RALYL: variants seen among roughly 807,000 people sequenced by gnomAD.
RALYL encodes RNA-binding Raly-like protein.
A neutral mutation model predicts 35.1 loss-of-function variants in RALYL; 29 were observed. The observed-to-expected ratio is 0.83, with a 90% confidence interval of 0.61 to 1.13. RALYL has a LOEUF of 1.13. Among genes scored for constraint, RALYL ranks in the 50% most tolerant of loss-of-function variants. The pLI is 0.00. For synonymous variants in RALYL, 120 were observed against 127.6 expected (o/e 0.94, Z 0.40); for missense variants, 359 against 360.4 (o/e 1.00, Z 0.03).
At chr8:84,838,032 G>A (rs535968823) in intron 4 of RALYL, among the ~76,000 whole-genome samples, 12 of 152,214 alleles carry the variant, frequency 7.9e-5, no homozygotes, top group East Asian at 1.9e-4. Context: ...AAGTGAGAGC[G>A]ACAAAAGTTC....
chr8:84,647,986 T>C lies in RALYL; in HGVS notation c.256+118409T>C, dbSNP rs149410586. Among the ~76,000 whole-genome samples the C allele has an allele frequency of 9.3e-4, 142 of 152,218 alleles. 1 individual carries two copies. In the South Asian group the frequency reaches 0.021, roughly 22 times the overall value. On this transcript the variant is annotated intron_variant, in intron 2 of 8. Coordinates refer to ENST00000521268, the MANE Select transcript of RALYL (RefSeq NM_173848.7). Reference sequence around the variant, plus strand: ...TGGTCCATGTCAAAGTATTTCCCTATACAGTAGTAGGTAATGGGTGCTCTT... The same window carrying C: ...TGGTCCATGTCAAAGTATTTCCCTACACAGTAGTAGGTAATGGGTGCTCTT...
intron 2 of RALYL, among the ~76,000 whole-genome samples, chr8:84,635,834 G>A: frequency 6.6e-6 from 1 of 151,692 alleles, no homozygotes; most frequent in Non-Finnish European, 1.5e-5. Flanking sequence ...TAGAGATGAG[G>A]AAACTGAGCT....
intron 1 of RALYL, among the ~76,000 whole-genome samples, chr8:84,189,144 A>T (rs1218682768): frequency 1.3e-5 from 2 of 152,184 alleles, no homozygotes; most frequent in African/African-American, 4.8e-5. Flanking sequence ...TAAAAATCTA[A>T]ATAGAGAGGA....
chr8:84,681,637 CTCTG>C (rs1461833226), intron 2 of RALYL, among the ~76,000 whole-genome samples: 9 of 151,982 alleles, frequency 5.9e-5, no homozygotes, highest in East Asian at 1.9e-4. Flanking sequence ...TGATTTGACT[CTCTG>C]TCTGTTATTG....
chr8:84,223,049 A>G (rs1366831124), intron 1 of RALYL, among the ~76,000 whole-genome samples: 1 of 151,608 alleles, frequency 6.6e-6, no homozygotes, highest in African/African-American at 2.4e-5. Context: ...GAGTCTTCTT[A>G]TCTTGCTTCC....
intron 1 of RALYL, among the ~76,000 whole-genome samples, chr8:84,273,358 C>T (rs1035509425): frequency 1.3e-5 from 2 of 152,224 alleles, no homozygotes; most frequent in Non-Finnish European, 1.5e-5. Context: ...TGGGCCTCTC[C>T]GTAGGGAAGC....
intron 4 of RALYL, among the ~76,000 whole-genome samples, chr8:84,845,897 C>T (rs1023182246): frequency 3.3e-5 from 5 of 152,052 alleles, no homozygotes; most frequent in African/African-American, 1.2e-4. Context: ...ACTAGGGAGT[C>T]CTTTCCTTAT....
chr8:84,654,496 G>A (rs1426181499), intron 2 of RALYL, among the ~76,000 whole-genome samples: 1 of 151,440 alleles, frequency 6.6e-6, no homozygotes, highest in Non-Finnish European at 1.5e-5. Context: ...GTTGACTGTA[G>A]TCATCCTGTT....
intron 1 of RALYL, among the ~76,000 whole-genome samples, chr8:84,376,645 G>A (rs1234292160): frequency 6.6e-6 from 1 of 151,774 alleles, no homozygotes; most frequent in Non-Finnish European, 1.5e-5. Context: ...GATGGAACAG[G>A]GATTAGAAGA....
chr8:84,862,739 T>G (rs1435185155), intron 6 of RALYL, among the ~76,000 whole-genome samples: 1 of 152,210 alleles, frequency 6.6e-6, no homozygotes, highest in African/African-American at 2.4e-5. Flanking sequence ...TGTGATATAT[T>G]AAAGTACTGA....
chr8:84,892,497 C>G (rs745696716), intron 8 of RALYL, among the ~76,000 whole-genome samples: 8 of 151,826 alleles, frequency 5.3e-5, no homozygotes, highest in Non-Finnish European at 1.2e-4. Flanking sequence ...GTAATTACAG[C>G]TACTCAGAAG....
chr8:84,719,641 C>T (rs914711184), intron 2 of RALYL, among the ~76,000 whole-genome samples: 2 of 151,920 alleles, frequency 1.3e-5, no homozygotes, highest in African/African-American at 4.8e-5. Context: ...TAATTCATGG[C>T]TTATTTTATT....
intron 3 of RALYL, among the ~76,000 whole-genome samples, chr8:84,796,735 T>C (rs565208005): frequency 2.0e-5 from 3 of 148,550 alleles, no homozygotes; most frequent in South Asian, 4.2e-4. Context: ...CAAAACAAGA[T>C]TTCTATAATT....
chr8:84,728,800 T>A (rs1845529649), intron 2 of RALYL, among the ~76,000 whole-genome samples: 1 of 152,206 alleles, frequency 6.6e-6, no homozygotes, highest in African/African-American at 2.4e-5. Flanking sequence ...TGCAGCATTA[T>A]TTCTGAGGGC....
At chr8:84,713,921 CATATATCAT>C (rs1272248467) in intron 2 of RALYL, among the ~76,000 whole-genome samples, 1 of 150,974 alleles carries the variant, frequency 6.6e-6, no homozygotes, top group African/African-American at 2.4e-5. Flanking sequence ...ATACATGTTT[CATATATCAT>C]ATATATCATA....
intron 1 of RALYL, among the ~76,000 whole-genome samples, chr8:84,407,016 C>CTG (rs1478815038): frequency 7.0e-6 from 1 of 142,410 alleles, no homozygotes; most frequent in African/African-American, 2.8e-5. Flanking sequence ...CTCTCTCTCT[C>CTG]TCTATATATA....
intron 4 of RALYL, among the ~76,000 whole-genome samples, chr8:84,835,396 G>A (rs369561635): frequency 8.8e-4 from 133 of 151,568 alleles, no homozygotes; most frequent in Middle Eastern, 3.4e-3. Context: ...GGCTGGGCAC[G>A]GGGGCTCACG....
chr8:84,192,908 G>GC (rs1357319529), intron 1 of RALYL, among the ~76,000 whole-genome samples: 1 of 136,326 alleles, frequency 7.3e-6, no homozygotes, highest in Non-Finnish European at 1.6e-5. Context: ...TGTGTGTGTG[G>GC]GGGGGGGGGT....
At chr8:84,732,692 A>ATATGTATATATATATATATG (rs1245973024) in intron 2 of RALYL, among the ~76,000 whole-genome samples, 1 of 148,332 alleles carries the variant, frequency 6.7e-6, no homozygotes, top group African/African-American at 2.5e-5. Flanking sequence ...ATACACACAC[A>ATATGTATATATATATATATG]CACACATATA....
Sources: gnomAD v4.1 joint callset for allele counts (sites outside exome capture counted in the v4.1 genomes callset) on GRCh38, gnomAD v4.1.1 for gene constraint, MANE v1.5 for transcripts, NCBI Gene and HGNC (gene_info 2026-07-23, HGNC 2026-07-21) for gene names.